RASSF5: variants seen among roughly 807,000 people sequenced by gnomAD.
RASSF5 encodes ras association domain-containing protein 5.
RASSF5 carries 25 observed loss-of-function variants against 40.5 expected under a neutral mutation model. The observed-to-expected ratio is 0.62, with a 90% CI of 0.45 to 0.86. The LOEUF is 0.86. RASSF5 is among the 40% of genes least tolerant of loss of function. The probability of loss-of-function intolerance (pLI) is 0.00; values close to 1 mark genes in which losing one functional copy is unlikely to be tolerated. For missense variants in RASSF5, 521 were observed against 572.8 expected, an observed-to-expected ratio of 0.91 and a Z score of 0.92; for synonymous variants, 246 against 252.4, an observed-to-expected ratio of 0.97 and a Z score of 0.24.
chr1:206,534,414 C>T (rs2103519956), intron 1 of RASSF5, among the ~76,000 whole-genome samples: 1 of 152,272 alleles, frequency 6.6e-6, no homozygotes, highest in Non-Finnish European at 1.5e-5. Context: ...TCAAGAAATG[C>T]CTGTTCTCCC....
chr1:206,586,823 C>T lies in RASSF5; in HGVS notation c.1105-3C>T. ...TCCCACAAATCTCCCTCTCGCCTCA[C>T]AGTGGGATGCCTTCTCCATCCCTGA... On this transcript the variant is annotated splice_polypyrimidine_tract_variant and splice_region_variant and intron_variant, in intron 5 of 5. Coordinates refer to ENST00000579436, the MANE Select transcript of RASSF5 (RefSeq NM_182663.4). The T allele has an allele frequency of 6.2e-7, 1 of 1,611,272 alleles. No individual in the cohort carries two copies. The highest frequency in any genetic ancestry group is 2.2e-5 in the East Asian group (1 of 44,874).
chr1:206,558,460 T>C (rs1668053403), intron 2 of RASSF5, among the ~76,000 whole-genome samples: 1 of 152,086 alleles, frequency 6.6e-6, no homozygotes, highest in Non-Finnish European at 1.5e-5. Context: ...GCTACTTAGA[T>C]GAGAGGGCTC....
At chr1:206,551,842 AGTT>A (rs1299852446) in intron 2 of RASSF5, among the ~76,000 whole-genome samples, 2 of 152,216 alleles carry the variant, frequency 1.3e-5, no homozygotes, top group Admixed American at 6.5e-5. Flanking sequence ...GCAGTGCAAT[AGTT>A]GTTCACATCT....
intron 2 of RASSF5, among the ~76,000 whole-genome samples, chr1:206,540,746 C>T (rs1667524615): frequency 6.6e-6 from 1 of 152,252 alleles, no homozygotes; most frequent in Non-Finnish European, 1.5e-5. Flanking sequence ...TTCACCTTGA[C>T]ATCATCGACC....
intron 2 of RASSF5, among the ~76,000 whole-genome samples, chr1:206,581,634 G>A (rs1668882048): frequency 2.6e-5 from 4 of 151,364 alleles, no homozygotes; most frequent in Admixed American, 2.6e-4. Flanking sequence ...GAGAGAGAGG[G>A]GGGAGAGAGA....
chr1:206,576,316 G>A (rs1553405191), intron 2 of RASSF5, among the ~76,000 whole-genome samples: 1 of 152,216 alleles, frequency 6.6e-6, no homozygotes, highest in Non-Finnish European at 1.5e-5. Flanking sequence ...CTGAGGCTTT[G>A]AGGCCATGGG....
intron 2 of RASSF5, among the ~76,000 whole-genome samples, chr1:206,554,293 G>T (rs1667923821): frequency 6.6e-6 from 1 of 152,208 alleles, no homozygotes; most frequent in African/African-American, 2.4e-5. Context: ...GCTGGGACTA[G>T]AATACAAGCT....
chr1:206,538,926 C>T (rs782189760), intron 2 of RASSF5, among the ~76,000 whole-genome samples: 1 of 152,174 alleles, frequency 6.6e-6, no homozygotes, highest in South Asian at 2.1e-4. Context: ...ATAAATGCTA[C>T]GTCACAATTC....
intron 2 of RASSF5, chr1:206,544,915 G>A (rs1667639897): frequency 6.6e-6 from 1 of 151,800 alleles, no homozygotes; most frequent in Non-Finnish European, 1.5e-5. Flanking sequence ...AAGCTCCTGC[G>A]GCCAGTCCTG....
At chr1:206,529,762 C>T in intron 1 of RASSF5, 1 of 425,536 alleles carries the variant, frequency 2.3e-6, no homozygotes, top group Non-Finnish European at 4.1e-6. Context: ...ACAATTTTTC[C>T]TTCAAAAAAA....
chr1:206,568,730 C>G (rs1056915307), intron 2 of RASSF5, among the ~76,000 whole-genome samples: 11 of 152,342 alleles, frequency 7.2e-5, no homozygotes, highest in Middle Eastern at 3.4e-3. Context: ...CCACTCCTCT[C>G]AAGGCCTGGA....
At chr1:206,514,134 G>T (rs1666689374) in intron 1 of RASSF5, among the ~76,000 whole-genome samples, 1 of 152,254 alleles carries the variant, frequency 6.6e-6, no homozygotes, top group Admixed American at 6.5e-5. Context: ...TACCCATTGG[G>T]AAATCTTTGA....
intron 2 of RASSF5, among the ~76,000 whole-genome samples, chr1:206,538,923 C>T (rs1320353826): frequency 1.3e-5 from 2 of 152,192 alleles, no homozygotes; most frequent in Non-Finnish European, 2.9e-5. Flanking sequence ...GTAATAAATG[C>T]TACGTCACAA....
At chr1:206,567,420 T>A (rs17011860) in intron 2 of RASSF5, among the ~76,000 whole-genome samples, 2 of 151,976 alleles carry the variant, frequency 1.3e-5, no homozygotes, top group South Asian at 4.1e-4. Context: ...TAATATTGAG[T>A]GGGTGAAAGA....
In RASSF5 at chr1:206,588,149, A is replaced by T. The variant is rs1198247083; in HGVS notation, c.*1171A>T. 8 of 152,936 alleles carry T rather than the reference A, an allele frequency of 5.2e-5. No homozygotes were observed. The East Asian group carries it at 1.5e-3, about 29-fold the overall frequency. 9.5% of individuals were successfully genotyped at this position (152,936 alleles called of 1,614,324 possible). On this transcript the variant is annotated 3_prime_UTR_variant, in exon 6 of 6. Coordinates refer to ENST00000579436, the MANE Select transcript of RASSF5 (RefSeq NM_182663.4). ...TCAGTGCCTTTTTGTTTTCAGAGAG[A>T]AATAGGAGTAGGGCGAGTTTGCCTG...
At chr1:206,574,762 C>G (rs1425832870) in intron 2 of RASSF5, among the ~76,000 whole-genome samples, 4 of 152,016 alleles carry the variant, frequency 2.6e-5, no homozygotes, top group Non-Finnish European at 2.9e-5. Context: ...AGAACACAGG[C>G]CTTCGAAGAC....
chr1:206,570,509 TTACCAATTAAACAGTAACTCCC>T, intron 2 of RASSF5, among the ~76,000 whole-genome samples: 1 of 152,068 alleles, frequency 6.6e-6, no homozygotes, highest in African/African-American at 2.4e-5. Context: ...CTGAAACTCC[TTACCAATTAAACAGTAACTCCC>T]TACCAATTAA....
chr1:206,537,161 G>T (rs1667438429), intron 1 of RASSF5, among the ~76,000 whole-genome samples: 1 of 152,214 alleles, frequency 6.6e-6, no homozygotes, highest in African/African-American at 2.4e-5. Flanking sequence ...CCACCAATGA[G>T]CTGTGTGTCA....
chr1:206,528,491 C>T (rs574981032), intron 1 of RASSF5, among the ~76,000 whole-genome samples: 2 of 152,206 alleles, frequency 1.3e-5, no homozygotes, highest in East Asian at 1.9e-4. Context: ...GGGTGTATGT[C>T]ATTATACATG....
Sources: gnomAD v4.1 joint callset for allele counts (sites outside exome capture counted in the v4.1 genomes callset) on GRCh38, gnomAD v4.1.1 for gene constraint, MANE v1.5 for transcripts, NCBI Gene and HGNC (gene_info 2026-07-23, HGNC 2026-07-21) for gene names.